The following IL1RAPL1 variants were observed in gnomAD, a reference collection of about 807,000 sequenced individuals.
IL1RAPL1 encodes the protein interleukin-1 receptor accessory protein-like 1.
Under a neutral mutation model 48.4 loss-of-function variants are expected in IL1RAPL1, and 3 were observed. That is an observed-to-expected ratio of 0.06 (90% CI 0.03 to 0.16). The LOEUF (loss-of-function observed/expected upper bound fraction) is 0.16. Ranked by LOEUF, IL1RAPL1 falls within the 10% of genes least tolerant of loss-of-function variation. IL1RAPL1 has a pLI of 1.00. For missense variants in IL1RAPL1, 349 were observed against 530.6 expected (o/e 0.66, Z 3.36); for synonymous variants, 185 against 187.7 (o/e 0.99, Z 0.12).
At chrX:29,614,340 C>T (rs1261683282) in intron 5 of IL1RAPL1, among the ~76,000 whole-genome samples, 1 of 111,899 alleles carries the variant, frequency 8.9e-6, no homozygotes, top group East Asian at 2.8e-4. Flanking sequence ...TTTGGGGCTT[C>T]TGTGACCCAA....
At chrX:28,892,506 G>A (rs1922798246) in intron 2 of IL1RAPL1, among the ~76,000 whole-genome samples, 3 of 111,391 alleles carry the variant, frequency 2.7e-5, no homozygotes, top group African/African-American at 6.5e-5. Context: ...AGTTACTTCA[G>A]GCCATCCGGA....
At chrX:29,623,113 A>G (rs1284917183) in intron 5 of IL1RAPL1, among the ~76,000 whole-genome samples, 1 of 107,773 alleles carries the variant, frequency 9.3e-6, no homozygotes, top group Non-Finnish European at 1.9e-5. Context: ...CACTAAAAAA[A>G]AAAAAAAAAA....
At chrX:29,328,631 G>GTATATATA (rs551009907) in intron 3 of IL1RAPL1, among the ~76,000 whole-genome samples, 45 of 101,878 alleles carry the variant, frequency 4.4e-4, no homozygotes, top group African/African-American at 1.6e-3. Flanking sequence ...AATTATATAT[G>GTATATATA]TATATATATA....
At chrX:29,023,597 A>G (rs1438469833) in intron 2 of IL1RAPL1, among the ~76,000 whole-genome samples, 1 of 112,676 alleles carries the variant, frequency 8.9e-6, no homozygotes, top group Non-Finnish European at 1.9e-5. Context: ...GAAACTTTAA[A>G]TAGTTATTTT....
At chrX:29,074,788 ATTAAC>A (rs1258941504) in intron 2 of IL1RAPL1, among the ~76,000 whole-genome samples, 5 of 112,139 alleles carry the variant, frequency 4.5e-5, no homozygotes, top group African/African-American at 6.5e-5. Context: ...TATCTACATT[ATTAAC>A]TTAGAATATT....
intron 3 of IL1RAPL1, among the ~76,000 whole-genome samples, chrX:29,365,040 T>A (rs1347939009): frequency 8.9e-6 from 1 of 112,537 alleles, no homozygotes; most frequent in Non-Finnish European, 1.9e-5. Context: ...ATATTTATAT[T>A]AATACATATT....
chrX:29,310,451 CT>C (rs1290562092), intron 3 of IL1RAPL1, among the ~76,000 whole-genome samples: 1 of 111,405 alleles, frequency 9.0e-6, no homozygotes, highest in Non-Finnish European at 1.9e-5. Flanking sequence ...TTTTTGGAAT[CT>C]GACTAATGAG....
chrX:28,799,557 G>C (rs1936650302), intron 2 of IL1RAPL1, among the ~76,000 whole-genome samples: 1 of 111,870 alleles, frequency 8.9e-6, no homozygotes, highest in Admixed American at 9.5e-5. Context: ...TTGCAGAGAA[G>C]GGAAGACACA....
chrX:29,563,872 G>C (rs1422969644), intron 5 of IL1RAPL1, among the ~76,000 whole-genome samples: 2 of 111,972 alleles, frequency 1.8e-5, no homozygotes, highest in Non-Finnish European at 3.8e-5. Flanking sequence ...AGTTTCAAAG[G>C]GAGGCTGAAA....
At chrX:29,929,743 C>T (rs1465849591) in intron 8 of IL1RAPL1, among the ~76,000 whole-genome samples, 3 of 111,388 alleles carry the variant, frequency 2.7e-5, no homozygotes, top group Non-Finnish European at 5.7e-5. Flanking sequence ...ATATAAATTA[C>T]CTGACTTAAA....
chrX:28,730,888 C>G (rs1255843958), intron 1 of IL1RAPL1, among the ~76,000 whole-genome samples: 5 of 111,639 alleles, frequency 4.5e-5, no homozygotes, highest in Non-Finnish European at 9.4e-5. Flanking sequence ...GTAAATTTGA[C>G]TCTAATTAAT....
chrX:29,653,620 C>T (rs989463672), intron 5 of IL1RAPL1, among the ~76,000 whole-genome samples: 16 of 111,220 alleles, frequency 1.4e-4, no homozygotes, highest in African/African-American at 5.2e-4. Context: ...TGGTAGTAAT[C>T]ATGTTTTTAA....
chrX:29,333,581 G>C (rs1454845315), intron 3 of IL1RAPL1, among the ~76,000 whole-genome samples: 1 of 94,451 alleles, frequency 1.1e-5, no homozygotes, highest in African/African-American at 4.2e-5. Context: ...CAGGCGGGGG[G>C]CTGACCCCCC....
chrX:29,019,308 A>G (rs2147400518), intron 2 of IL1RAPL1, among the ~76,000 whole-genome samples: 1 of 112,143 alleles, frequency 8.9e-6, no homozygotes, highest in South Asian at 3.7e-4. Flanking sequence ...TGAGGGTTGC[A>G]CAACATTTTG....
intron 6 of IL1RAPL1, among the ~76,000 whole-genome samples, chrX:29,829,461 T>C (rs184021237): frequency 3.5e-3 from 242 of 68,368 alleles, no homozygotes; most frequent in African/African-American, 8.3e-3. Flanking sequence ...CAATAATCTG[T>C]ACAAGAATGA....
intron 2 of IL1RAPL1, among the ~76,000 whole-genome samples, chrX:29,072,320 G>T (rs187203239): frequency 9.0e-6 from 1 of 111,010 alleles, no homozygotes; most frequent in African/African-American, 3.3e-5. Flanking sequence ...TTTTAATAAT[G>T]AATCTTAAAT....
chrX:29,860,822 AT>A (rs1395771661), intron 6 of IL1RAPL1, among the ~76,000 whole-genome samples: 1 of 112,392 alleles, frequency 8.9e-6, no homozygotes, highest in Non-Finnish European at 1.9e-5. Context: ...ATAAACATGC[AT>A]GTGCATGTGT....
chrX:29,361,676 TAGC>T (rs1933378596), intron 3 of IL1RAPL1, among the ~76,000 whole-genome samples: 1 of 112,307 alleles, frequency 8.9e-6, no homozygotes, highest in African/African-American at 3.2e-5. Flanking sequence ...AGCAAAAGGA[TAGC>T]AGTCTTTTAA....
intron 1 of IL1RAPL1, among the ~76,000 whole-genome samples, chrX:28,756,304 T>C (rs1040034742): frequency 7.2e-5 from 8 of 111,653 alleles, no homozygotes; most frequent in Non-Finnish European, 1.3e-4. Context: ...AATGTGTCCT[T>C]GGCATTTAAT....
Sources: allele counts gnomAD v4.1 joint callset (sites outside exome capture counted in the v4.1 genomes callset), GRCh38; gene constraint gnomAD v4.1.1; transcripts MANE v1.5; gene names NCBI Gene and HGNC (gene_info 2026-07-23, HGNC 2026-07-21).